Variants in CLPTM1 observed in about 807,000 individuals in gnomAD.
CLPTM1 encodes CLPTM1 regulator of GABA type A receptor forward trafficking.
CLPTM1 carries 21 observed loss-of-function variants against 77.3 expected under a neutral mutation model. The ratio of observed to expected loss-of-function variants is 0.27; its 90% CI spans 0.19 to 0.39. The LOEUF (loss-of-function observed/expected upper bound fraction) is 0.39, where lower values mean the gene tolerates loss of function less well. Ranked by LOEUF, CLPTM1 falls within the 10% of genes least tolerant of loss-of-function variation. CLPTM1 has a pLI of 1.00. For synonymous variants in CLPTM1, 373 were observed against 381.0 expected (o/e 0.98, Z 0.24); for missense variants, 642 against 921.2 (o/e 0.70, Z 3.92).
At chr19:44,974,623 C>T (rs1428631133) in intron 4 of CLPTM1, 26 bp downstream of exon 4, 1 of 1,597,266 alleles carries the variant, frequency 6.3e-7, no homozygotes. Context: ...GGTTTCTGGC[C>T]CCATGGCTGC....
rs1427654697 is a variant in CLPTM1, at chr19:44,989,783, C to A, written c.1133-612C>A. 1.3e-5 allele frequency among the ~76,000 whole-genome samples: 2 copies of A among 152,126 alleles called. 1 individual carries two copies. Among genetic ancestry groups the A allele is most frequent in the African/African-American group, 4.8e-5 (2 of 41,440 alleles). On this transcript the variant is annotated intron_variant, in intron 9 of 13. Transcript: ENST00000337392. ...CAAGAGAGGGGTGTCCGTGGTGAGA[C>A]CAGGGCTCAGAGAGGAGCATGCTGA... is the stretch of plus-strand genomic sequence containing the variant.
intron 1 of CLPTM1, among the ~76,000 whole-genome samples, chr19:44,960,253 A>C (rs534198285): frequency 4.6e-5 from 7 of 152,234 alleles, no homozygotes; most frequent in African/African-American, 1.4e-4. Context: ...CACCCACTCC[A>C]AAGTGGATCC....
chr19:44,992,223 C>G lies in CLPTM1; in HGVS notation c.1556-10C>G. 5 of 1,613,868 alleles carry G rather than the reference C, an allele frequency of 3.1e-6. No individual in the cohort carries two copies. The highest frequency in any genetic ancestry group is 4.2e-6 in the Non-Finnish European group (5 of 1,179,866). Reference sequence around the variant, plus strand: ...GGCCATCCCTCTGCTCATGGGTGCTCTCACTGCAGGCTTCATCACCATGAC... The same window carrying G: ...GGCCATCCCTCTGCTCATGGGTGCTGTCACTGCAGGCTTCATCACCATGAC... On this transcript the variant is annotated splice_polypyrimidine_tract_variant and intron_variant, in intron 12 of 13. Transcript: ENST00000337392. This position sits in a 1 kb window ranked among gnomAD's most constrained non-coding sequence, Gnocchi z 7.7.
At chr19:44,965,226 G>A (rs945870980) in intron 2 of CLPTM1, among the ~76,000 whole-genome samples, 1 of 152,214 alleles carries the variant, frequency 6.6e-6, no homozygotes, top group East Asian at 1.9e-4. Flanking sequence ...CCCGCCAGGT[G>A]CGGTGGCTCA....
chr19:44,975,881 GA>G (rs908764635), intron 4 of CLPTM1, among the ~76,000 whole-genome samples: 57 of 152,112 alleles, frequency 3.7e-4, no homozygotes, highest in Non-Finnish European at 6.0e-4. Flanking sequence ...TTTTCTTTTT[GA>G]GATGGGGTCT....
chr19:44,985,415 C>CGGT (rs1970962689), intron 6 of CLPTM1, 112 bp downstream of exon 6: 2 of 721,406 alleles, frequency 2.8e-6, no homozygotes, highest in Non-Finnish European at 4.8e-6. Flanking sequence ...CATGCCGGCT[C>CGGT]GGTCATGCCA....
intron 5 of CLPTM1, among the ~76,000 whole-genome samples, chr19:44,977,662 A>T (rs1416442734): frequency 6.6e-6 from 1 of 152,186 alleles, no homozygotes; most frequent in Non-Finnish European, 1.5e-5. Flanking sequence ...ATACCCACGG[A>T]GGAAGGGAGA....
intron 2 of CLPTM1, among the ~76,000 whole-genome samples, chr19:44,964,298 CTTTTTTTTTTT>C (rs35539206): frequency 1.3e-4 from 9 of 68,154 alleles, no homozygotes; most frequent in South Asian, 1.4e-3. Flanking sequence ...TCATTTTAAC[CTTTTTTTTTTT>C]TTTTTTTTTT....
intron 3 of CLPTM1, 81 bp downstream of exon 3, chr19:44,973,291 G>A (rs1200271665): frequency 6.9e-6 from 11 of 1,588,900 alleles, no homozygotes; most frequent in South Asian, 2.2e-5. Context: ...GTCAGCAGTC[G>A]GGACAGACCA....
chr19:44,964,368 TA>T (rs900369152), intron 2 of CLPTM1, among the ~76,000 whole-genome samples: 52 of 133,064 alleles, frequency 3.9e-4, no homozygotes, highest in African/African-American at 1.4e-3. Flanking sequence ...TGGAGTGCAG[TA>T]GTGCAATCTC....
chr19:44,962,098 T>C, intron 2 of CLPTM1, 23 bp downstream of exon 2: 1 of 1,422,358 alleles, frequency 7.0e-7, no homozygotes, highest in Non-Finnish European at 9.6e-7. Context: ...GACTTGGGTT[T>C]GTTCACCGAA....
At chr19:44,976,601 C>A (rs1970809401) in intron 4 of CLPTM1, among the ~76,000 whole-genome samples, 1 of 152,182 alleles carries the variant, frequency 6.6e-6, no homozygotes, top group African/African-American at 2.4e-5. Flanking sequence ...CACCCAGTGC[C>A]CCTGGACAAC....
chr19:44,990,824 G>C lies in CLPTM1; in HGVS notation c.1324-26G>C. On this transcript the variant is annotated intron_variant, in intron 10 of 13. Transcript: ENST00000337392. The surrounding 1 kb of genome is among the most constrained non-coding windows in gnomAD (Gnocchi z 4.8). ...TGGGGTGGGAGCCAGCGTAGCAACT[G>C]ACCATGGCACCCACCTCATCCACAG... 6.3e-7 allele frequency: 1 copy of C among 1,583,388 alleles called. No homozygotes were observed. The highest frequency in any genetic ancestry group is 8.7e-7 in the Non-Finnish European group (1 of 1,153,018).
intron 2 of CLPTM1, among the ~76,000 whole-genome samples, chr19:44,963,709 T>G (rs1314796825): frequency 6.6e-6 from 1 of 152,000 alleles, no homozygotes; most frequent in Non-Finnish European, 1.5e-5. Flanking sequence ...AACCTCCACC[T>G]CCTGGGTTCA....
chr19:44,987,213 T>C lies in CLPTM1; in HGVS notation c.828T>C (p.Tyr276=). Residue 276 remains tyrosine (Y), a synonymous_variant, in exon 8 of 14, where the codon TAT becomes TAC. Coordinates refer to ENST00000337392, the MANE Select transcript of CLPTM1 (RefSeq NM_001294.4). Reference sequence around the variant, plus strand: ...TCGACGCCGTGAGCGGTGACTACTATCCCATCATCTACTTCAATGACTACT... The same window carrying C: ...TCGACGCCGTGAGCGGTGACTACTACCCCATCATCTACTTCAATGACTACT... ...VKFDAVSGDY[Y]PIIYFNDYWN... The C allele has an allele frequency of 6.2e-7, 1 of 1,614,152 alleles. No individual in the cohort carries two copies. The highest frequency in any genetic ancestry group is 8.5e-7 in the Non-Finnish European group (1 of 1,179,982).
chr19:44,986,460 T>C lies in CLPTM1; in HGVS notation c.678T>C (p.Ala226=), dbSNP rs143455922. Residue 226 remains alanine (A), a synonymous_variant, in exon 7 of 14, where the codon GCT becomes GCC. Coordinates refer to ENST00000337392, the MANE Select transcript of CLPTM1 (RefSeq NM_001294.4). ...TEADPEMIKR[A]EDYGPVEVIS... ...TTCCCCCCATGTTGCCTCAGAGGGC[T>C]GAGGACTATGGGCCTGTGGAGGTGA... The C allele has an allele frequency of 5.0e-6, 8 of 1,613,920 alleles. No homozygotes were observed. The African/African-American group carries it at 1.1e-4, about 22-fold the overall frequency.
chr19:44,987,212 A>G lies in CLPTM1; in HGVS notation c.827A>G (p.Tyr276Cys). The G allele has an allele frequency of 6.2e-7, 1 of 1,614,136 alleles. No individual in the cohort carries two copies. The highest frequency in any genetic ancestry group is 8.5e-7 in the Non-Finnish European group (1 of 1,179,974). ...VKFDAVSGDYYPIIYFNDYWN... is the reference protein window; with the variant it reads ...VKFDAVSGDYCPIIYFNDYWN... ...TTCGACGCCGTGAGCGGTGACTACTATCCCATCATCTACTTCAATGACTAC... is the reference window on the plus strand; with the variant it reads ...TTCGACGCCGTGAGCGGTGACTACTGTCCCATCATCTACTTCAATGACTAC... The change falls in exon 8 of 14, where the codon TAT becomes TGT. Residue 276 changes from tyrosine to cysteine, a missense_variant. By Grantham distance (194) the Tyr-to-Cys change is radical. This residue lies in a region of CLPTM1 where 521 missense variants were observed against 800.4 expected (regional missense o/e 0.65). Transcript: ENST00000337392.
At chr19:44,969,261 G>A (rs1034581257) in intron 2 of CLPTM1, among the ~76,000 whole-genome samples, 3 of 152,058 alleles carry the variant, frequency 2.0e-5, no homozygotes, top group Non-Finnish European at 2.9e-5. Context: ...AGTAGGCACT[G>A]TTATTATCCC....
chr19:44,959,188 T>C (rs1970506833), intron 1 of CLPTM1, among the ~76,000 whole-genome samples: 1 of 152,158 alleles, frequency 6.6e-6, no homozygotes, highest in Admixed American at 6.5e-5. Flanking sequence ...TGAACATTCA[T>C]GTACAGGCTT....
Sources: allele counts gnomAD v4.1 joint callset (sites outside exome capture counted in the v4.1 genomes callset), GRCh38; gene constraint gnomAD v4.1.1; regional missense constraint gnomAD v4.1.1; non-coding constraint Gnocchi (gnomAD v3.1); transcripts MANE v1.5; gene names NCBI Gene and HGNC (gene_info 2026-07-23, HGNC 2026-07-21).